The following USP24 variants were observed in gnomAD, a reference collection of about 807,000 sequenced individuals.
USP24 encodes the protein ubiquitin specific peptidase 24.
USP24 carries 97 observed loss-of-function variants against 361.6 expected under a neutral mutation model. The ratio of observed to expected loss-of-function variants is 0.27; its 90% CI spans 0.23 to 0.32. The LOEUF is 0.32. Among genes scored for constraint, USP24 ranks in the 10% least tolerant of loss-of-function variants. The pLI is 1.00. For missense variants in USP24, 2,353 were observed against 3,165.6 expected (o/e 0.74, Z 6.16); for synonymous variants, 1,098 against 1,124.6 (o/e 0.98, Z 0.47).
chr1:55,072,770 T>C lies in USP24; in HGVS notation c.7602+16A>G. ...GATTCCTATGTTACAGCTAGAAAAATTCAATGTTCAGTTACCTTCTTCTGT... is the reference window on the plus strand; with the variant it reads ...GATTCCTATGTTACAGCTAGAAAAACTCAATGTTCAGTTACCTTCTTCTGT... On this transcript the variant is annotated intron_variant, in intron 65 of 67. Coordinates refer to ENST00000294383, the MANE Select transcript of USP24 (RefSeq NM_015306.3). 3.2e-6 allele frequency: 5 copies of C among 1,579,632 alleles called. No individual in the cohort carries two copies. The highest frequency in any genetic ancestry group is 4.3e-6 in the Non-Finnish European group (5 of 1,163,062).
chr1:55,103,000 T>C (rs931524255), intron 42 of USP24, among the ~76,000 whole-genome samples: 1 of 152,218 alleles, frequency 6.6e-6, no homozygotes, highest in African/African-American at 2.4e-5. Context: ...CTATGTTCTG[T>C]AATACTTAAC....
At position 55,085,972 on chromosome 1, in the gene USP24, G is replaced by A. The variant is rs1452023082; in HGVS notation, c.6735C>T (p.Thr2245=). 2 of 1,613,862 alleles carry A rather than the reference G, an allele frequency of 1.2e-6. No homozygotes were observed. Among genetic ancestry groups the A allele is most frequent in the South Asian group, 2.2e-5 (2 of 91,074 alleles). The change falls in exon 56 of 68, where the codon ACC becomes ACT. Residue 2245 remains threonine, a synonymous_variant. Coordinates refer to ENST00000294383, the MANE Select transcript of USP24 (RefSeq NM_015306.3). ...CCTGATAAAACAAGGCACTGTCTAG[G>A]GTTTTCTCCAGAATGGTGGCCACAG... The part of the protein sequence containing the change: ...RVAVATILEK[T]LDSALFYQDK...
At chr1:55,095,993 C>G (rs1285771178) in intron 50 of USP24, among the ~76,000 whole-genome samples, 2 of 152,198 alleles carry the variant, frequency 1.3e-5, no homozygotes, top group African/African-American at 4.8e-5. Context: ...ATAGCAAGTT[C>G]TGATTGGGCT....
chr1:55,114,319 AAAGT>A (rs1327316652), intron 38 of USP24, among the ~76,000 whole-genome samples: 13 of 152,232 alleles, frequency 8.5e-5, no homozygotes, highest in Admixed American at 8.5e-4. Context: ...CACGCTGCCC[AAAGT>A]AATTTATAGA....
chr1:55,072,691 G>A, intron 65 of USP24, 95 bp downstream of exon 65: 1 of 1,206,066 alleles, frequency 8.3e-7, no homozygotes, highest in Non-Finnish European at 1.2e-6. Flanking sequence ...ACACTTTAAG[G>A]TCAGTCTCCA....
intron 38 of USP24, among the ~76,000 whole-genome samples, chr1:55,112,486 T>C (rs1167822535): frequency 3.3e-5 from 5 of 152,236 alleles, no homozygotes; most frequent in East Asian, 1.9e-4. Flanking sequence ...TTTGTTCTCA[T>C]TGGTTTCAAA....
At position 55,180,999 on chromosome 1, in the gene USP24, T is replaced by C. The variant is rs1643950199; in HGVS notation, c.325-2867A>G. On this transcript the variant is annotated intron_variant, in intron 1 of 67. Coordinates refer to ENST00000294383, the MANE Select transcript of USP24 (RefSeq NM_015306.3). ...TTCCTTCAGTTCTCACCATGCTAAT[T>C]TGTAACAAAGCAAACAGGACCCCAA... 3.3e-5 allele frequency among the ~76,000 whole-genome samples: 5 copies of C among 152,146 alleles called. No homozygotes were observed. In the South Asian group the frequency reaches 8.3e-4, roughly 25 times the overall value.
intron 21 of USP24, 114 bp downstream of exon 21, chr1:55,144,013 G>T: frequency 1.2e-6 from 1 of 846,986 alleles, no homozygotes; most frequent in Non-Finnish European, 1.8e-6. Flanking sequence ...AGGAGATGCT[G>T]TTCTTTACCA....
intron 1 of USP24, among the ~76,000 whole-genome samples, chr1:55,209,784 C>T (rs545356630): frequency 6.6e-6 from 1 of 151,966 alleles, no homozygotes; most frequent in East Asian, 1.9e-4. Context: ...TCTGTGGTTC[C>T]ATATAAGGAA....
At chr1:55,135,116 G>C (rs183525698) in intron 28 of USP24, among the ~76,000 whole-genome samples, 1 of 152,020 alleles carries the variant, frequency 6.6e-6, no homozygotes, top group African/African-American at 2.4e-5. Context: ...TTCTGAGTGG[G>C]GTTTCTTTTT....
intron 1 of USP24, among the ~76,000 whole-genome samples, chr1:55,208,254 A>G (rs1644760645): frequency 6.6e-6 from 1 of 152,224 alleles, no homozygotes; most frequent in African/African-American, 2.4e-5. Context: ...CAGACAAACA[A>G]GTGACCCTGT....
At chr1:55,095,467 G>A in intron 50 of USP24, 71 bp from the exon 51 acceptor site, 1 of 1,471,582 alleles carries the variant, frequency 6.8e-7, no homozygotes, top group Non-Finnish European at 9.0e-7. Flanking sequence ...CTAAAACAAA[G>A]GGCCCATTAT....
At chr1:55,190,710 C>T (rs74073062) in intron 1 of USP24, among the ~76,000 whole-genome samples, 5,476 of 152,168 alleles carry the variant, frequency 0.036, 311 homozygotes, top group African/African-American at 0.13. Flanking sequence ...ACAAAGATAA[C>T]GGACACAATT....
chr1:55,173,662 G>T (rs1649672306), intron 3 of USP24, among the ~76,000 whole-genome samples: 1 of 152,144 alleles, frequency 6.6e-6, no homozygotes, highest in South Asian at 2.1e-4. Flanking sequence ...AGCCCAAACT[G>T]TAATAGCTGC....
At chr1:55,101,518 T>C (rs1475367615) in intron 43 of USP24, 66 bp downstream of exon 43, 5 of 1,543,668 alleles carry the variant, frequency 3.2e-6, no homozygotes, top group African/African-American at 2.8e-5. Flanking sequence ...TAAAAAACTA[T>C]GAAACAATTT....
At chr1:55,105,958 C>T (rs1645760325) in intron 41 of USP24, among the ~76,000 whole-genome samples, 188 bp downstream of exon 41, 1 of 152,148 alleles carries the variant, frequency 6.6e-6, no homozygotes, top group South Asian at 2.1e-4. Context: ...CACACTTGCT[C>T]CGTGCTTACT....
chr1:55,211,326 T>C (rs917720468), intron 1 of USP24, among the ~76,000 whole-genome samples: 1 of 152,196 alleles, frequency 6.6e-6, no homozygotes, highest in South Asian at 2.1e-4. Flanking sequence ...AAATCAAAAC[T>C]GGACAGCTTC....
In USP24 at chr1:55,106,305, T is replaced by C. The variant is rs780027894; in HGVS notation, c.4763-42A>G. On this transcript the variant is annotated intron_variant, in intron 40 of 67. Transcript: ENST00000294383. Reference sequence around the variant, plus strand: ...TATTCATGTTGAAGATGAACACATATTTTAATTCAAAGATCCTATCTTGCA... The same window carrying C: ...TATTCATGTTGAAGATGAACACATACTTTAATTCAAAGATCCTATCTTGCA... 4 of 1,475,366 alleles carry C rather than the reference T, an allele frequency of 2.7e-6. No homozygotes were observed. The East Asian group carries it at 9.1e-5, about 34-fold the overall frequency. The allele number at this position is 1,475,366 out of a possible 1,614,324, so 91.4% of individuals were successfully genotyped here. A position where few individuals can be genotyped will look rare whatever the true frequency, so the allele number is the denominator to read the frequency against.
chr1:55,165,463 G>T (rs539206038), intron 7 of USP24, among the ~76,000 whole-genome samples: 4 of 152,070 alleles, frequency 2.6e-5, no homozygotes, highest in Admixed American at 2.6e-4. Context: ...AGAAGTTTTT[G>T]TAACACCAAA....
Sources: gnomAD v4.1 joint callset for allele counts (sites outside exome capture counted in the v4.1 genomes callset) on GRCh38, gnomAD v4.1.1 for gene constraint, MANE v1.5 for transcripts, NCBI Gene and HGNC (gene_info 2026-07-23, HGNC 2026-07-21) for gene names.